The following IFTAP variants were observed in gnomAD, a reference collection of about 807,000 sequenced individuals.
IFTAP encodes the protein intraflagellar transport-associated protein.
IFTAP carries 19 observed loss-of-function variants against 19.4 expected under a neutral mutation model. That is an observed-to-expected ratio of 0.98 (90% confidence interval 0.68 to 1.44). The LOEUF is 1.44. IFTAP is among the 40% of genes most tolerant of loss of function. The pLI is 0.00. For missense variants in IFTAP, 240 were observed against 253.6 expected, an observed-to-expected ratio of 0.95 and a Z score of 0.36; for synonymous variants, 85 against 83.5, an observed-to-expected ratio of 1.02 and a Z score of -0.10.
chr11:36,620,030 G>GT (rs1852237573), intron 2 of IFTAP, among the ~76,000 whole-genome samples: 2 of 151,950 alleles, frequency 1.3e-5, no homozygotes, highest in African/African-American at 4.8e-5. Context: ...GCTAATAAAA[G>GT]TAACTAGGCA....
At chr11:36,614,991 G>T (rs1450607158) in intron 2 of IFTAP, among the ~76,000 whole-genome samples, 1 of 142,654 alleles carries the variant, frequency 7.0e-6, no homozygotes, top group Non-Finnish European at 1.5e-5. Flanking sequence ...TGAAGTCCTT[G>T]CCCATGCCTA....
chr11:36,628,202 T>A (rs1852591291), intron 2 of IFTAP, among the ~76,000 whole-genome samples: 1 of 151,066 alleles, frequency 6.6e-6, no homozygotes, highest in Admixed American at 6.6e-5. Flanking sequence ...TACAGAGTTT[T>A]TGTCGGGCCC....
At chr11:36,619,750 A>T (rs1852227511) in intron 2 of IFTAP, among the ~76,000 whole-genome samples, 2 of 152,084 alleles carry the variant, frequency 1.3e-5, no homozygotes, top group East Asian at 1.9e-4. Flanking sequence ...TGCCGTTGTT[A>T]TCAGTCATTT....
chr11:36,630,627 A>C (rs1021280267), intron 2 of IFTAP, among the ~76,000 whole-genome samples: 12 of 151,510 alleles, frequency 7.9e-5, no homozygotes, highest in African/African-American at 2.9e-4. Flanking sequence ...TAGAGAGTAC[A>C]CTGAGTGATC....
rs148376199 is a variant in IFTAP at position 36,648,057 on chromosome 11, A to G, written c.400A>G (p.Thr134Ala). 3.1e-6 allele frequency: 5 copies of G among 1,613,258 alleles called. No homozygotes were observed. In the African/African-American group the frequency reaches 5.3e-5, roughly 17 times the overall value. ...LPGEVEQDVSTSIPSCIPFVA... is the reference protein window; with the variant it reads ...LPGEVEQDVSASIPSCIPFVA... ...AGGAGAAGTGGAGCAGGATGTAAGC[A>G]CCAGCATTCCTTCCTGTATCCCTTT... The change falls in exon 5 of 6, where the codon ACC becomes GCC. Residue 134 changes from threonine (T) to alanine (A), a missense_variant. Transcript: ENST00000334307.
intron 1 of IFTAP, among the ~76,000 whole-genome samples, chr11:36,606,163 TA>T (rs1203739730): frequency 6.6e-6 from 1 of 152,184 alleles, no homozygotes. Flanking sequence ...AAAAGTCCTT[TA>T]AAAAGTCAAT....
rs369609300 is a variant in IFTAP at position 36,632,304 on chromosome 11, G to A, written c.137-980G>A. Among the ~76,000 whole-genome samples the A allele has an allele frequency of 3.9e-4, 59 of 150,902 alleles. No individual in the cohort carries two copies. The East Asian group carries it at 9.7e-3, about 25-fold the overall frequency. ...TTACTAATATTAAAAATAATGTTAT[G>A]GCTTAAACTATTACCTCAGTGTAAT... On this transcript the variant is annotated intron_variant, in intron 2 of 5. Transcript: ENST00000334307.
chr11:36,649,358 C>CT (rs1853615487), intron 5 of IFTAP, among the ~76,000 whole-genome samples: 1 of 152,052 alleles, frequency 6.6e-6, no homozygotes, highest in Non-Finnish European at 1.5e-5. Flanking sequence ...TTTCAATATG[C>CT]TTTTTGAATT....
At chr11:36,650,503 T>C (rs1160485698) in intron 5 of IFTAP, among the ~76,000 whole-genome samples, 1 of 151,636 alleles carries the variant, frequency 6.6e-6, no homozygotes, top group Non-Finnish European at 1.5e-5. Context: ...ACATTTAACA[T>C]TTATTTGGTT....
chr11:36,605,838 C>T (rs966886288), intron 1 of IFTAP, among the ~76,000 whole-genome samples: 1 of 152,104 alleles, frequency 6.6e-6, no homozygotes, highest in Non-Finnish European at 1.5e-5. Context: ...AACATAAAAA[C>T]CAAAGCAAAA....
At chr11:36,596,851 A>G (rs1851286268) in intron 1 of IFTAP, among the ~76,000 whole-genome samples, 2 of 152,338 alleles carry the variant, frequency 1.3e-5, no homozygotes, top group South Asian at 2.1e-4. Context: ...GGCTTCTCGT[A>G]AGTGAAAACA....
chr11:36,611,962 A>G (rs1450213573), intron 2 of IFTAP, among the ~76,000 whole-genome samples: 1 of 152,086 alleles, frequency 6.6e-6, no homozygotes, highest in Non-Finnish European at 1.5e-5. Flanking sequence ...GGCAGAATTA[A>G]TGAATTTTGG....
chr11:36,601,335 G>A (rs879476544), intron 1 of IFTAP, among the ~76,000 whole-genome samples: 2 of 152,182 alleles, frequency 1.3e-5, no homozygotes, highest in Non-Finnish European at 2.9e-5. Context: ...GAGGAAGGAA[G>A]AGGAAATGTA....
chr11:36,614,835 G>C (rs1852011870), intron 2 of IFTAP, among the ~76,000 whole-genome samples: 1 of 149,060 alleles, frequency 6.7e-6, no homozygotes, highest in African/African-American at 2.5e-5. Context: ...TGTCAGATGA[G>C]TAGATTGCAA....
At chr11:36,633,208 C>A in intron 2 of IFTAP, 76 bp from the exon 3 acceptor site, 1 of 1,278,652 alleles carries the variant, frequency 7.8e-7, no homozygotes, top group Non-Finnish European at 1.0e-6. Context: ...TTGGAAGAAA[C>A]TTTCTCAATA....
At chr11:36,650,406 G>A (rs1006917376) in intron 5 of IFTAP, among the ~76,000 whole-genome samples, 5 of 151,658 alleles carry the variant, frequency 3.3e-5, no homozygotes, top group Non-Finnish European at 5.9e-5. Context: ...TATAATAATT[G>A]TATGTATTTA....
chr11:36,627,793 A>G (rs1852571210), intron 2 of IFTAP, among the ~76,000 whole-genome samples: 1 of 150,946 alleles, frequency 6.6e-6, no homozygotes, highest in Non-Finnish European at 1.5e-5. Context: ...TTTCTACTTG[A>G]CAGGTTGTTA....
At chr11:36,646,996 T>C (rs1003739753) in intron 4 of IFTAP, among the ~76,000 whole-genome samples, 1 of 152,160 alleles carries the variant, frequency 6.6e-6, no homozygotes, top group Non-Finnish European at 1.5e-5. Context: ...TTTGTAATTA[T>C]ATTTTTTTGT....
chr11:36,653,685 G>A (rs984312188), intron 5 of IFTAP, among the ~76,000 whole-genome samples: 1 of 152,128 alleles, frequency 6.6e-6, no homozygotes, highest in Non-Finnish European at 1.5e-5. Context: ...CTTCTGAATT[G>A]CGGTATGCCC....
Sources: gnomAD v4.1 joint callset for allele counts (sites outside exome capture counted in the v4.1 genomes callset) on GRCh38, gnomAD v4.1.1 for gene constraint, MANE v1.5 for transcripts, NCBI Gene and HGNC (gene_info 2026-07-23, HGNC 2026-07-21) for gene names.